MYO3B: variants seen among roughly 807,000 people sequenced by gnomAD.
MYO3B encodes the protein myosin IIIB, also known as myosin-IIIb.
MYO3B carries 156 observed loss-of-function variants against 174.6 expected under a neutral mutation model. That is an observed-to-expected ratio of 0.89 (90% CI 0.78 to 1.02). The LOEUF (loss-of-function observed/expected upper bound fraction) is 1.02. MYO3B is among the 50% of genes least tolerant of loss of function. The pLI is 0.00. For synonymous variants in MYO3B, 563 were observed against 569.1 expected (o/e 0.99, Z 0.15); for missense variants, 1,632 against 1,639.4 (o/e 1.00, Z 0.08).
intron 8 of MYO3B, among the ~76,000 whole-genome samples, chr2:170,367,645 G>T (rs1401282): frequency 1.1e-4 from 17 of 152,072 alleles, no homozygotes; most frequent in African/African-American, 4.1e-4. Context: ...CAGGAAACAT[G>T]GTTATTAGCA....
chr2:170,455,485 C>T (rs1046835847), intron 23 of MYO3B, among the ~76,000 whole-genome samples: 3 of 152,160 alleles, frequency 2.0e-5, no homozygotes, highest in Non-Finnish European at 4.4e-5. Flanking sequence ...CTGTAGGACT[C>T]TGGGAATTCT....
chr2:170,528,535 A>G (rs1689142681), intron 30 of MYO3B, among the ~76,000 whole-genome samples: 1 of 152,068 alleles, frequency 6.6e-6, no homozygotes, highest in Non-Finnish European at 1.5e-5. Context: ...CCTCCTGACT[A>G]GCTGGGACTA....
chr2:170,627,163 A>G (rs1344655999), intron 32 of MYO3B, among the ~76,000 whole-genome samples: 1 of 152,124 alleles, frequency 6.6e-6, no homozygotes, highest in African/African-American at 2.4e-5. Context: ...GCTTGGTTCC[A>G]TTCTCCCCAT....
At chr2:170,494,348 G>A (rs1290431434) in intron 25 of MYO3B, among the ~76,000 whole-genome samples, 1 of 152,184 alleles carries the variant, frequency 6.6e-6, no homozygotes, top group Non-Finnish European at 1.5e-5. Flanking sequence ...TATTGTGATA[G>A]CTTATATGTT....
chr2:170,494,310 T>C (rs1418630574), intron 25 of MYO3B, among the ~76,000 whole-genome samples: 1 of 152,206 alleles, frequency 6.6e-6, no homozygotes, highest in Non-Finnish European at 1.5e-5. Flanking sequence ...ATTTTTTGAA[T>C]AGAGATATTT....
intron 32 of MYO3B, among the ~76,000 whole-genome samples, chr2:170,634,948 T>A (rs2105405370): frequency 6.6e-6 from 1 of 151,854 alleles, no homozygotes; most frequent in East Asian, 1.9e-4. Context: ...ATGGCGATAA[T>A]TAAAAAGGAA....
intron 7 of MYO3B, 140 bp from the exon 8 acceptor site, chr2:170,335,245 T>C (rs1164029456): frequency 1.5e-6 from 1 of 668,002 alleles, no homozygotes; most frequent in African/African-American, 1.8e-5. Flanking sequence ...CTTTATAATC[T>C]ACCACTAAAA....
chr2:170,373,322 G>A (rs1042430084), intron 9 of MYO3B, among the ~76,000 whole-genome samples: 5 of 152,186 alleles, frequency 3.3e-5, no homozygotes, highest in African/African-American at 9.7e-5. Flanking sequence ...GCAATGCCAA[G>A]TACTTCCAGA....
At chr2:170,534,889 GC>G (rs1308066200) in intron 30 of MYO3B, among the ~76,000 whole-genome samples, 9 of 152,090 alleles carry the variant, frequency 5.9e-5, no homozygotes, top group Admixed American at 5.9e-4. Context: ...ACCTCTACGT[GC>G]CATAACACAT....
At chr2:170,212,237 C>T (rs2092779100) in intron 3 of MYO3B, among the ~76,000 whole-genome samples, 1 of 117,682 alleles carries the variant, frequency 8.5e-6, no homozygotes, top group African/African-American at 3.3e-5. Context: ...CAGTGAAACT[C>T]CCTCTCAAAA....
intron 30 of MYO3B, among the ~76,000 whole-genome samples, chr2:170,522,143 C>T (rs80117282): frequency 0.029 from 4,425 of 152,204 alleles, 182 homozygotes; most frequent in East Asian, 0.15. Flanking sequence ...TCCTTCTCAC[C>T]CTGGATGATA....
chr2:170,454,984 C>T (rs553342099), intron 23 of MYO3B, among the ~76,000 whole-genome samples: 1 of 152,236 alleles, frequency 6.6e-6, no homozygotes, highest in Non-Finnish European at 1.5e-5. Flanking sequence ...CCAGATGAGC[C>T]AGTTTATTGA....
At chr2:170,409,224 T>C (rs145369199) in intron 22 of MYO3B, among the ~76,000 whole-genome samples, 117 of 152,348 alleles carry the variant, frequency 7.7e-4, no homozygotes, top group African/African-American at 2.4e-3. Flanking sequence ...TTTAACAGCC[T>C]GGACCACTAG....
intron 32 of MYO3B, among the ~76,000 whole-genome samples, chr2:170,607,025 A>G (rs994735555): frequency 6.6e-6 from 1 of 152,228 alleles, no homozygotes; most frequent in Non-Finnish European, 1.5e-5. Context: ...CGTCTCAAAA[A>G]ATAAAATAAA....
At chr2:170,557,872 G>A (rs562386653) in intron 32 of MYO3B, among the ~76,000 whole-genome samples, 1 of 152,280 alleles carries the variant, frequency 6.6e-6, no homozygotes, top group Non-Finnish European at 1.5e-5. Context: ...CACACGGGGA[G>A]AAGCTCACAT....
Position 170,405,573 on chromosome 2 carries a change from A to G in MYO3B, c.2460A>G (p.Lys820=), listed in dbSNP as rs772978409. 53 of 1,614,088 alleles carry G rather than the reference A, an allele frequency of 3.3e-5. 1 individual carries two copies. The South Asian group carries it at 5.5e-4, about 17-fold the overall frequency. Residue 820 remains lysine (K), a synonymous_variant, in exon 21 of 35, where the codon AAA becomes AAG. Coordinates refer to ENST00000408978, the MANE Select transcript of MYO3B (RefSeq NM_138995.5). The stretch of plus-strand genomic sequence containing the variant: ...AATTTGAAGATAATCTACGATGCAA[A>G]TACTTCTGGAGGCCCAAAGGAGTGG... ...VDKFEDNLRC[K]YFWRPKGVEL...
At chr2:170,588,736 A>G (rs1693644333) in intron 32 of MYO3B, among the ~76,000 whole-genome samples, 1 of 152,166 alleles carries the variant, frequency 6.6e-6, no homozygotes, top group African/African-American at 2.4e-5. Flanking sequence ...CCTGAAGAGG[A>G]CCTTTGTTCA....
At chr2:170,366,571 GC>G (rs1162913858) in intron 8 of MYO3B, among the ~76,000 whole-genome samples, 4 of 152,138 alleles carry the variant, frequency 2.6e-5, no homozygotes, top group African/African-American at 9.7e-5. Flanking sequence ...GGGATTATGG[GC>G]ATGAGCCACC....
chr2:170,576,709 A>T (rs1692809892), intron 32 of MYO3B, among the ~76,000 whole-genome samples: 1 of 152,254 alleles, frequency 6.6e-6, no homozygotes, highest in Admixed American at 6.5e-5. Flanking sequence ...AGTCCTTGTT[A>T]CTATAAGTGA....
Sources: allele counts gnomAD v4.1 joint callset (sites outside exome capture counted in the v4.1 genomes callset), GRCh38; gene constraint gnomAD v4.1.1; transcripts MANE v1.5; gene names NCBI Gene and HGNC (gene_info 2026-07-23, HGNC 2026-07-21).